The following TENM4 variants were observed in gnomAD, a reference collection of about 807,000 sequenced individuals.
The protein encoded by TENM4 is teneurin-4.
TENM4 carries 82 observed loss-of-function variants against 243.3 expected under a neutral mutation model. That is an observed-to-expected ratio of 0.34 (90% CI 0.28 to 0.40). TENM4 has a LOEUF of 0.40. Ranked by LOEUF, TENM4 falls within the 10% of genes least tolerant of loss-of-function variation. The pLI is 1.00. For synonymous variants in TENM4, 1,412 were observed against 1,456.3 expected (o/e 0.97, Z 0.69); for missense variants, 3,138 against 3,673.3 (o/e 0.85, Z 3.77).
chr11:78,836,434 G>C (rs192740473), intron 12 of TENM4, among the ~76,000 whole-genome samples: 19 of 152,310 alleles, frequency 1.2e-4, no homozygotes, highest in Middle Eastern at 3.4e-3. Context: ...TGTCTACTAA[G>C]TTGGGACAAT....
chr11:79,344,841 G>T (rs550316460), intron 1 of TENM4, among the ~76,000 whole-genome samples: 134 of 152,324 alleles, frequency 8.8e-4, no homozygotes, highest in South Asian at 3.3e-3. Context: ...GAATGGTTAG[G>T]CAATTCATCT....
At chr11:79,051,985 G>A (rs1222665319) in intron 6 of TENM4, among the ~76,000 whole-genome samples, 1 of 152,214 alleles carries the variant, frequency 6.6e-6, no homozygotes, top group African/African-American at 2.4e-5. Flanking sequence ...GTATTCCATG[G>A]TGTATATGTA....
intron 9 of TENM4, among the ~76,000 whole-genome samples, chr11:78,885,739 T>C (rs1483633601): frequency 6.6e-6 from 1 of 152,084 alleles, no homozygotes; most frequent in Non-Finnish European, 1.5e-5. Context: ...GGCAACATAT[T>C]AGACCTCATC....
chr11:78,988,029 C>A (rs184350510), intron 6 of TENM4, among the ~76,000 whole-genome samples: 1 of 152,172 alleles, frequency 6.6e-6, no homozygotes, highest in African/African-American at 2.4e-5. Context: ...CTGATATTCA[C>A]GCCCTTGTAT....
intron 3 of TENM4, among the ~76,000 whole-genome samples, chr11:79,168,583 T>A (rs1862969996): frequency 6.6e-6 from 1 of 152,172 alleles, no homozygotes. Flanking sequence ...GCTCCTGGCA[T>A]CTTGGTAGCT....
intron 5 of TENM4, among the ~76,000 whole-genome samples, chr11:79,068,783 T>TGGCAGGTCTGGAAACTTG (rs746123004): frequency 3.3e-5 from 5 of 152,106 alleles, no homozygotes; most frequent in African/African-American, 7.2e-5. Flanking sequence ...AGAAATATCA[T>TGGCAGGTCTGGAAACTTG]GGCAGGTCTG....
rs997312386 is a variant in TENM4, at chr11:79,198,079, A to G, written c.-163+17729T>C. Among the ~76,000 whole-genome samples, 8 of 152,220 alleles carry G rather than the reference A, an allele frequency of 5.3e-5. No homozygotes were observed. The South Asian group carries it at 1.2e-3, about 24-fold the overall frequency. On this transcript the variant is annotated intron_variant, in intron 3 of 33. Coordinates refer to ENST00000278550, the MANE Select transcript of TENM4 (RefSeq NM_001098816.3). Reference sequence around the variant, plus strand: ...AACAGGCATTCATCAGGATTAGGTAAGAGGCCTAGCACATTGTTTACTCAA... The same window carrying G: ...AACAGGCATTCATCAGGATTAGGTAGGAGGCCTAGCACATTGTTTACTCAA...
In TENM4 at chr11:78,653,939, A is replaced by G. The variant is rs1234815139; in HGVS notation, c.*4119T>C. The G allele has an allele frequency of 2.6e-5, 4 of 152,252 alleles. No individual in the cohort carries two copies. The highest frequency in any genetic ancestry group is 2.0e-4 in the Admixed American group (3 of 15,290). The allele number at this position is 152,252 out of a possible 1,614,324, so 9.4% of individuals were successfully genotyped here. Reference sequence around the variant, plus strand: ...TTTGTGAATGTGAAGGTTGGAGAGGATAAGGTTTCTCTCTATCACCTCAGC... The same window carrying G: ...TTTGTGAATGTGAAGGTTGGAGAGGGTAAGGTTTCTCTCTATCACCTCAGC... On this transcript the variant is annotated 3_prime_UTR_variant, in exon 34 of 34. Coordinates refer to ENST00000278550, the MANE Select transcript of TENM4 (RefSeq NM_001098816.3).
chr11:79,425,505 C>T (rs2135597824), intron 1 of TENM4, among the ~76,000 whole-genome samples: 1 of 92,974 alleles, frequency 1.1e-5, no homozygotes, highest in Admixed American at 1.2e-4. Context: ...TGGCCATGTT[C>T]TCCTGAGTCC....
chr11:79,281,333 A>G (rs1039669613), intron 2 of TENM4, among the ~76,000 whole-genome samples: 1 of 152,210 alleles, frequency 6.6e-6, no homozygotes, highest in Non-Finnish European at 1.5e-5. Context: ...CCATTGGGAG[A>G]GTTGGGCTTT....
intron 9 of TENM4, among the ~76,000 whole-genome samples, chr11:78,872,704 C>T (rs1282028111): frequency 6.6e-6 from 1 of 152,208 alleles, no homozygotes; most frequent in East Asian, 1.9e-4. Context: ...CTTGGGAGCT[C>T]ACACAAGGAG....
intron 4 of TENM4, among the ~76,000 whole-genome samples, chr11:79,090,207 A>C (rs544040486): frequency 6.6e-6 from 1 of 152,368 alleles, no homozygotes; most frequent in East Asian, 1.9e-4. Context: ...TGCCGTCTGC[A>C]AGAGGATTTC....
rs542114698 is a variant in TENM4 at position 79,085,878 on chromosome 11, C to T, written c.-65-15869G>A. ...GCCACTTATTTCCTGTGTAATGTCA[C>T]TTTTCCTTAATAAGGTAGCAAGCTG... is the stretch of plus-strand genomic sequence containing the variant. On this transcript the variant is annotated intron_variant, in intron 4 of 33. Coordinates refer to ENST00000278550, the MANE Select transcript of TENM4 (RefSeq NM_001098816.3). Among the ~76,000 whole-genome samples the T allele has an allele frequency of 2.0e-5, 3 of 152,330 alleles. No homozygotes were observed. In the South Asian group the frequency reaches 6.2e-4, roughly 32 times the overall value.
chr11:79,179,756 A>G (rs762340795), intron 3 of TENM4, among the ~76,000 whole-genome samples: 4 of 151,856 alleles, frequency 2.6e-5, no homozygotes, highest in Non-Finnish European at 4.4e-5. Context: ...AGAGTTTGAC[A>G]TATAGAAGGT....
intron 6 of TENM4, among the ~76,000 whole-genome samples, chr11:78,957,838 G>A (rs1330602853): frequency 1.3e-5 from 2 of 152,168 alleles, no homozygotes; most frequent in African/African-American, 4.8e-5. Flanking sequence ...AGGTTTGTGA[G>A]GTAAAAGGAA....
chr11:79,428,563 A>T (rs1590960004), intron 1 of TENM4, among the ~76,000 whole-genome samples: 1 of 152,230 alleles, frequency 6.6e-6, no homozygotes, highest in African/African-American at 2.4e-5. Context: ...CACAGCCCAG[A>T]AGTGAACAGA....
At chr11:79,131,845 G>A (rs1165723665) in intron 4 of TENM4, among the ~76,000 whole-genome samples, 1 of 152,076 alleles carries the variant, frequency 6.6e-6, no homozygotes, top group Non-Finnish European at 1.5e-5. Flanking sequence ...GTGGGAAAAG[G>A]CATTTCATAC....
chr11:78,994,358 A>G (rs986766984), intron 6 of TENM4, among the ~76,000 whole-genome samples: 1 of 152,326 alleles, frequency 6.6e-6, no homozygotes, highest in African/African-American at 2.4e-5. Flanking sequence ...GAGGACCTCA[A>G]TGCAGATTTC....
At chr11:79,403,194 A>C (rs1042066198) in intron 1 of TENM4, among the ~76,000 whole-genome samples, 1 of 152,224 alleles carries the variant, frequency 6.6e-6, no homozygotes, top group Non-Finnish European at 1.5e-5. Flanking sequence ...CACTTGGATA[A>C]AGGAAAACAC....
Sources: gnomAD v4.1 joint callset for allele counts (sites outside exome capture counted in the v4.1 genomes callset) on GRCh38, gnomAD v4.1.1 for gene constraint, MANE v1.5 for transcripts, NCBI Gene and HGNC (gene_info 2026-07-23, HGNC 2026-07-21) for gene names.